Variants in ADGRV1 observed in about 807,000 individuals in gnomAD.
The protein encoded by ADGRV1 is adhesion G protein-coupled receptor V1, also known as G-protein coupled receptor 98.
ADGRV1 carries 359 observed loss-of-function variants against 596.2 expected under a neutral mutation model. That is an observed-to-expected ratio of 0.60 (90% confidence interval 0.55 to 0.66). The LOEUF is 0.66. Among genes scored for constraint, ADGRV1 ranks in the 30% least tolerant of loss-of-function variants. The pLI, the probability that ADGRV1 is intolerant of heterozygous loss-of-function variation, is 0.00. For synonymous variants in ADGRV1, 2,681 were observed against 2,679.2 expected, an observed-to-expected ratio of 1.00 and a Z score of -0.02; for missense variants, 7,274 against 7,575.6, an observed-to-expected ratio of 0.96 and a Z score of 1.48.
At chr5:90,786,451 G>A (rs1035081455) in intron 67 of ADGRV1, among the ~76,000 whole-genome samples, 3 of 152,122 alleles carry the variant, frequency 2.0e-5, no homozygotes, top group Non-Finnish European at 4.4e-5. Context: ...TTAGAAAATC[G>A]TAAGCCAGAG....
intron 83 of ADGRV1, among the ~76,000 whole-genome samples, chr5:90,871,852 A>G (rs1403592411): frequency 6.6e-6 from 1 of 152,224 alleles, no homozygotes; most frequent in Non-Finnish European, 1.5e-5. Context: ...ACATCTGTCA[A>G]CTACAGTGGA....
At chr5:90,634,671 T>C (rs945975552) in intron 9 of ADGRV1, among the ~76,000 whole-genome samples, 2 of 152,076 alleles carry the variant, frequency 1.3e-5, no homozygotes, top group Non-Finnish European at 2.9e-5. Flanking sequence ...TAGTTGGATG[T>C]AGGTGGCAAG....
intron 1 of ADGRV1, among the ~76,000 whole-genome samples, chr5:90,596,970 AG>A (rs1333935734): frequency 6.6e-6 from 1 of 152,182 alleles, no homozygotes; most frequent in Non-Finnish European, 1.5e-5. Context: ...TATAAGACAA[AG>A]AATAATATTA....
intron 7 of ADGRV1, 104 bp downstream of exon 7, chr5:90,627,880 A>T: frequency 1.8e-6 from 1 of 565,616 alleles, no homozygotes. Context: ...AATATGTGTC[A>T]TTTTTTCCCA....
chr5:91,017,891 G>T (rs563690345), intron 85 of ADGRV1, among the ~76,000 whole-genome samples: 1 of 151,794 alleles, frequency 6.6e-6, no homozygotes, highest in South Asian at 2.1e-4. Flanking sequence ...GGACCTAGAA[G>T]AAAAAGAATC....
At chr5:91,058,867 C>T (rs1048715458) in intron 85 of ADGRV1, among the ~76,000 whole-genome samples, 9 of 152,112 alleles carry the variant, frequency 5.9e-5, no homozygotes, top group African/African-American at 1.2e-4. Flanking sequence ...ACCTGCTGAT[C>T]GGTAAAGAAC....
At chr5:90,880,278 A>T (rs1222759748) in intron 83 of ADGRV1, among the ~76,000 whole-genome samples, 1 of 152,216 alleles carries the variant, frequency 6.6e-6, no homozygotes, top group African/African-American at 2.4e-5. Flanking sequence ...AGGTGTATAA[A>T]AAATGTGTGT....
At chr5:91,053,145 T>C (rs193137068) in intron 85 of ADGRV1, among the ~76,000 whole-genome samples, 1 of 152,330 alleles carries the variant, frequency 6.6e-6, no homozygotes, top group Non-Finnish European at 1.5e-5. Context: ...TCCTTCCTAA[T>C]GTAGCTCTGA....
intron 50 of ADGRV1, among the ~76,000 whole-genome samples, chr5:90,744,242 A>T (rs1469143605): frequency 6.6e-6 from 1 of 152,142 alleles, no homozygotes; most frequent in Non-Finnish European, 1.5e-5. Context: ...TTGGCCTCCC[A>T]AAGTGCTAGG....
At chr5:90,614,149 C>T in intron 1 of ADGRV1, 1 of 285,016 alleles carries the variant, frequency 3.5e-6, no homozygotes, top group African/African-American at 3.4e-5. Flanking sequence ...ACACACATAT[C>T]ATAGTGAAAA....
intron 83 of ADGRV1, among the ~76,000 whole-genome samples, chr5:90,876,380 G>A (rs756354724): frequency 6.6e-6 from 1 of 152,056 alleles, no homozygotes; most frequent in Non-Finnish European, 1.5e-5. Flanking sequence ...GGCAATATAA[G>A]CATTTACAAT....
intron 87 of ADGRV1, among the ~76,000 whole-genome samples, chr5:91,127,121 CTTAGG>C (rs1793827993): frequency 6.6e-6 from 1 of 152,110 alleles, no homozygotes; most frequent in Non-Finnish European, 1.5e-5. Flanking sequence ...TGTAATCTGC[CTTAGG>C]TCAGAGAAGA....
chr5:90,862,057 C>T (rs73181311), intron 82 of ADGRV1, among the ~76,000 whole-genome samples: 6,624 of 152,182 alleles, frequency 0.044, 369 homozygotes, highest in East Asian at 0.14. Flanking sequence ...AGCATTTTAA[C>T]TGAAGCCTAA....
At chr5:90,764,714 C>T (rs909582985) in intron 59 of ADGRV1, among the ~76,000 whole-genome samples, 2 of 152,168 alleles carry the variant, frequency 1.3e-5, no homozygotes. Flanking sequence ...TGCTTCCCAA[C>T]GTCAGAGCCA....
In ADGRV1 at chr5:91,126,648, T is replaced by A. The variant is rs1363619566; in HGVS notation, c.18433-23382T>A. 2.0e-5 allele frequency among the ~76,000 whole-genome samples: 3 copies of A among 152,332 alleles called. No homozygotes were observed. The South Asian group carries it at 6.2e-4, about 32-fold the overall frequency. On this transcript the variant is annotated intron_variant, in intron 87 of 89. Transcript: ENST00000405460. Reference sequence around the variant, plus strand: ...TTCATGTGCCAAATTCAGTAAGTCATGGAGCAAATGTTTATTTTGCTATGC... The same window carrying A: ...TTCATGTGCCAAATTCAGTAAGTCAAGGAGCAAATGTTTATTTTGCTATGC...
intron 48 of ADGRV1, among the ~76,000 whole-genome samples, chr5:90,726,675 G>C (rs932526220): frequency 9.9e-5 from 15 of 151,978 alleles, no homozygotes; most frequent in African/African-American, 3.1e-4. Context: ...GTGTGTGTGT[G>C]TGTGTGTGAT....
At chr5:90,623,733 G>T (rs1488410753) in intron 5 of ADGRV1, among the ~76,000 whole-genome samples, 1 of 151,914 alleles carries the variant, frequency 6.6e-6, no homozygotes, top group Non-Finnish European at 1.5e-5. Context: ...ATTTTTTTCA[G>T]TACACCAAAT....
intron 21 of ADGRV1, among the ~76,000 whole-genome samples, chr5:90,671,929 C>A (rs149763693): frequency 6.6e-6 from 1 of 152,212 alleles, no homozygotes; most frequent in East Asian, 1.9e-4. Context: ...AAAACACCAA[C>A]AAATATATTA....
intron 1 of ADGRV1, among the ~76,000 whole-genome samples, chr5:90,579,509 G>A (rs150754269): frequency 0.013 from 1,915 of 152,260 alleles, 15 homozygotes; most frequent in Non-Finnish European, 0.019. Context: ...ATTTGCTGAG[G>A]AGTGCTTTGG....
Sources: allele counts gnomAD v4.1 joint callset (sites outside exome capture counted in the v4.1 genomes callset), GRCh38; gene constraint gnomAD v4.1.1; transcripts MANE v1.5; gene names NCBI Gene and HGNC (gene_info 2026-07-23, HGNC 2026-07-21).